DLG2: variants seen among roughly 807,000 people sequenced by gnomAD.
The protein encoded by DLG2 is discs large MAGUK scaffold protein 2.
DLG2 carries 45 observed loss-of-function variants against 132.5 expected under a neutral mutation model. That is an observed-to-expected ratio of 0.34 (90% CI 0.27 to 0.44). The LOEUF (loss-of-function observed/expected upper bound fraction) is 0.44. Ranked by LOEUF, DLG2 falls within the 20% of genes least tolerant of loss-of-function variation. The probability of loss-of-function intolerance (pLI) is 1.00; values close to 1 mark genes in which losing one functional copy is unlikely to be tolerated. For synonymous variants in DLG2, 424 were observed against 419.6 expected, an observed-to-expected ratio of 1.01 and a Z score of -0.13; for missense variants, 1,045 against 1,196.9, an observed-to-expected ratio of 0.87 and a Z score of 1.87.
At chr11:84,514,605 T>C (rs1239482722) in intron 7 of DLG2, among the ~76,000 whole-genome samples, 1 of 151,904 alleles carries the variant, frequency 6.6e-6, no homozygotes, top group Admixed American at 6.6e-5. Flanking sequence ...ATCATAACAA[T>C]TGAACTCATG....
intron 6 of DLG2, among the ~76,000 whole-genome samples, chr11:84,803,471 C>G (rs988657491): frequency 2.0e-5 from 3 of 152,100 alleles, no homozygotes; most frequent in Non-Finnish European, 2.9e-5. Context: ...TATGAGGGCC[C>G]TGAAAACGCA....
chr11:84,146,227 G>A (rs185166339), intron 9 of DLG2, among the ~76,000 whole-genome samples: 7 of 150,766 alleles, frequency 4.6e-5, no homozygotes, highest in Admixed American at 4.0e-4. Flanking sequence ...ACCTGCCAAT[G>A]TTGTTCTACT....
intron 8 of DLG2, among the ~76,000 whole-genome samples, chr11:84,217,669 T>A (rs2096854578): frequency 6.6e-6 from 1 of 152,222 alleles, no homozygotes; most frequent in African/African-American, 2.4e-5. Flanking sequence ...TCAGGCGTGT[T>A]AACTTCAAGA....
chr11:85,504,195 G>T (rs988464505), intron 3 of DLG2, among the ~76,000 whole-genome samples: 12 of 152,188 alleles, frequency 7.9e-5, no homozygotes, highest in African/African-American at 2.9e-4. Flanking sequence ...TTCTTTTGCT[G>T]TGCAGAAGCT....
chr11:84,946,527 T>C (rs1045545168), intron 6 of DLG2, among the ~76,000 whole-genome samples: 2 of 152,158 alleles, frequency 1.3e-5, no homozygotes, highest in East Asian at 1.9e-4. Context: ...GATCCTGAAA[T>C]AGGGGCTTCA....
At chr11:83,833,250 C>G (rs1050000999) in intron 17 of DLG2, among the ~76,000 whole-genome samples, 1 of 152,084 alleles carries the variant, frequency 6.6e-6, no homozygotes, top group Non-Finnish European at 1.5e-5. Flanking sequence ...CCAGTCTGGA[C>G]AACATGGCGA....
rs114652762 is a variant in DLG2, at chr11:83,960,656, T to C, written c.1340+2229A>G. ...TACACATTTTTTTTTTTTGCCTCAA[T>C]TGAATAGTTCTTAGATGCTATTTCT... On this transcript the variant is annotated intron_variant, in intron 14 of 27. Transcript: ENST00000376104. Among the ~76,000 whole-genome samples, 675 of 151,878 alleles carry C rather than the reference T, an allele frequency of 4.4e-3. 5 individuals carry two copies. The highest frequency in any genetic ancestry group is 0.015 in the African/African-American group (604 of 41,390).
chr11:84,828,103 T>C (rs1168692010), intron 6 of DLG2, among the ~76,000 whole-genome samples: 1 of 151,754 alleles, frequency 6.6e-6, no homozygotes, highest in Non-Finnish European at 1.5e-5. Flanking sequence ...GAATGTCCAA[T>C]AGCCATGCCA....
At chr11:85,011,725 G>T (rs988486342) in intron 6 of DLG2, among the ~76,000 whole-genome samples, 1 of 152,028 alleles carries the variant, frequency 6.6e-6, no homozygotes, top group African/African-American at 2.4e-5. Flanking sequence ...TGCAGTTCAA[G>T]TTTATTTTAT....
intron 7 of DLG2, 63 bp downstream of exon 7, chr11:84,534,507 C>T (rs1483110053): frequency 2.0e-6 from 3 of 1,515,586 alleles, no homozygotes; most frequent in African/African-American, 2.8e-5. Flanking sequence ...GCAAACATCT[C>T]CATTAGCAAT....
chr11:84,302,648 T>A (rs956718016), intron 7 of DLG2, among the ~76,000 whole-genome samples: 2 of 152,224 alleles, frequency 1.3e-5, no homozygotes, highest in African/African-American at 2.4e-5. Flanking sequence ...TTTAATTTTT[T>A]AAAAATAATT....
At chr11:84,823,885 T>C (rs555196843) in intron 6 of DLG2, among the ~76,000 whole-genome samples, 1 of 151,788 alleles carries the variant, frequency 6.6e-6, no homozygotes, top group South Asian at 2.1e-4. Context: ...CATGACTATA[T>C]AAGATATAAA....
At chr11:84,363,538 T>C (rs1401796583) in intron 7 of DLG2, among the ~76,000 whole-genome samples, 2 of 151,826 alleles carry the variant, frequency 1.3e-5, no homozygotes, top group African/African-American at 4.8e-5. Flanking sequence ...GTCAATTTTG[T>C]CTTCTGTTGC....
chr11:84,360,712 G>A (rs2098644880), intron 7 of DLG2, among the ~76,000 whole-genome samples: 2 of 151,822 alleles, frequency 1.3e-5, no homozygotes, highest in Non-Finnish European at 2.9e-5. Flanking sequence ...GGACTATCAT[G>A]AACAGACAGA....
chr11:83,582,853 T>C (rs2097006492), intron 19 of DLG2, among the ~76,000 whole-genome samples: 1 of 152,222 alleles, frequency 6.6e-6, no homozygotes, highest in East Asian at 1.9e-4. Flanking sequence ...AGCTTAGAGA[T>C]TGGCACAGAG....
chr11:84,233,928 T>C (rs980173086), intron 8 of DLG2, among the ~76,000 whole-genome samples: 2 of 152,146 alleles, frequency 1.3e-5, no homozygotes, highest in Admixed American at 6.5e-5. Flanking sequence ...TCCCAATAAA[T>C]AGCAAAAACC....
chr11:83,595,117 A>C (rs1344008874), intron 19 of DLG2, among the ~76,000 whole-genome samples: 1 of 139,070 alleles, frequency 7.2e-6, no homozygotes, highest in Non-Finnish European at 1.6e-5. Flanking sequence ...ACAAGCAATA[A>C]ATCTATTTAT....
intron 6 of DLG2, among the ~76,000 whole-genome samples, chr11:84,975,940 C>A (rs972830090): frequency 8.5e-5 from 13 of 152,150 alleles, no homozygotes; most frequent in African/African-American, 2.7e-4. Flanking sequence ...ATTCTCTCCA[C>A]CTAAAATGTC....
chr11:83,913,730 G>A (rs1043730476), intron 15 of DLG2, among the ~76,000 whole-genome samples: 1 of 151,980 alleles, frequency 6.6e-6, no homozygotes, highest in African/African-American at 2.4e-5. Context: ...AGAGGGAGGA[G>A]GAGTTTCAAA....
Sources: gnomAD v4.1 joint callset for allele counts (sites outside exome capture counted in the v4.1 genomes callset) on GRCh38, gnomAD v4.1.1 for gene constraint, MANE v1.5 for transcripts, NCBI Gene and HGNC (gene_info 2026-07-23, HGNC 2026-07-21) for gene names.